Variants in BST1 observed in about 807,000 individuals in gnomAD.
BST1 encodes the protein bone marrow stromal cell antigen 1.
BST1 carries 49 observed loss-of-function variants against 40.6 expected under a neutral mutation model. The observed-to-expected ratio is 1.21, with a 90% CI of 0.96 to 1.53. The LOEUF is 1.53. BST1 is among the 40% of genes most tolerant of loss of function. The pLI, the probability that BST1 is intolerant of heterozygous loss-of-function variation, is 0.00. For missense variants in BST1, 423 were observed against 395.9 expected (o/e 1.07, Z -0.58); for synonymous variants, 157 against 159.3 (o/e 0.99, Z 0.11).
chr4:15,755,221 C>A, the BST1 span, among the ~76,000 whole-genome samples: 1 of 152,164 alleles, frequency 6.6e-6, no homozygotes, highest in African/African-American at 2.4e-5. Context: ...TCACTGCAAC[C>A]TCCGCCTCCC....
At chr4:15,721,948 T>A (rs974641362) in intron 7 of BST1, among the ~76,000 whole-genome samples, 2 of 152,116 alleles carry the variant, frequency 1.3e-5, no homozygotes, top group African/African-American at 2.4e-5. Context: ...GCCACAGAGA[T>A]CCTGTCTAGG....
chr4:15,736,346 G>A (rs1236128321), downstream of BST1, among the ~76,000 whole-genome samples: 2 of 152,094 alleles, frequency 1.3e-5, no homozygotes, highest in South Asian at 2.1e-4. Context: ...GAAGCCGGGC[G>A]CAGTGGCTCC....
At chr4:15,723,250 T>C (rs370590225) in intron 8 of BST1, among the ~76,000 whole-genome samples, 1 of 152,160 alleles carries the variant, frequency 6.6e-6, no homozygotes, top group African/African-American at 2.4e-5. Context: ...CACTACCTTT[T>C]TTTTTGGGAG....
chr4:15,728,163 C>G (rs1378465952), intron 8 of BST1, among the ~76,000 whole-genome samples: 3 of 152,066 alleles, frequency 2.0e-5, no homozygotes, highest in African/African-American at 7.2e-5. Flanking sequence ...CTGGAAGGCT[C>G]TATCCTAAAT....
At chr4:15,760,116 C>G in the BST1 span, among the ~76,000 whole-genome samples, 3 of 151,976 alleles carry the variant, frequency 2.0e-5, no homozygotes, top group Admixed American at 1.3e-4. Flanking sequence ...TAGGGAACTT[C>G]TAATCTACTT....
chr4:15,704,278 A>AG (rs1443003264), intron 1 of BST1, among the ~76,000 whole-genome samples: 3 of 139,684 alleles, frequency 2.1e-5, no homozygotes, highest in Non-Finnish European at 3.1e-5. Flanking sequence ...TCTAGAGGTG[A>AG]GGGGTGTGTG....
At chr4:15,734,158 C>G (rs1721480937), downstream of BST1, among the ~76,000 whole-genome samples, 1 of 152,092 alleles carries the variant, frequency 6.6e-6, no homozygotes, top group African/African-American at 2.4e-5. Context: ...TAGCGGAGAG[C>G]AGACCAGTGA....
chr4:15,736,956 G>A (rs972633020), downstream of BST1, among the ~76,000 whole-genome samples: 6 of 152,150 alleles, frequency 3.9e-5, no homozygotes, highest in African/African-American at 1.4e-4. Flanking sequence ...AAGGAAATGG[G>A]GAGGCAGCCT....
At chr4:15,753,289 G>A in the BST1 span, among the ~76,000 whole-genome samples, 1 of 152,206 alleles carries the variant, frequency 6.6e-6, no homozygotes, top group Admixed American at 6.5e-5. Context: ...ATATGTCAGA[G>A]CTGATAGCAT....
intron 8 of BST1, among the ~76,000 whole-genome samples, chr4:15,725,193 A>C (rs1721035066): frequency 6.6e-6 from 1 of 152,176 alleles, no homozygotes; most frequent in East Asian, 1.9e-4. Context: ...GGCTCAGAGA[A>C]GTTTATGAAG....
At chr4:15,770,042 G>A in the BST1 span, among the ~76,000 whole-genome samples, 8 of 152,136 alleles carry the variant, frequency 5.3e-5, no homozygotes, top group Non-Finnish European at 1.0e-4. Context: ...GTTTCACCAT[G>A]TTGGCCAGGC....
chr4:15,770,901 CAGATG>C, the BST1 span, among the ~76,000 whole-genome samples: 1 of 152,220 alleles, frequency 6.6e-6, no homozygotes, highest in Non-Finnish European at 1.5e-5. Context: ...GCCTGTTCGA[CAGATG>C]AGAAACTTGT....
chr4:15,768,625 C>T, the BST1 span, among the ~76,000 whole-genome samples: 3 of 151,850 alleles, frequency 2.0e-5, no homozygotes, highest in African/African-American at 4.8e-5. Context: ...TCCCGAGTAG[C>T]TGGGACTACA....
the BST1 span, among the ~76,000 whole-genome samples, chr4:15,767,150 C>T: frequency 4.7e-5 from 7 of 150,176 alleles, no homozygotes; most frequent in African/African-American, 1.3e-4. Flanking sequence ...GAAAAGTTGA[C>T]GCTGGCAAGG....
At chr4:15,721,292 T>C (rs902565601) in intron 7 of BST1, among the ~76,000 whole-genome samples, 2 of 152,224 alleles carry the variant, frequency 1.3e-5, no homozygotes, top group Non-Finnish European at 2.9e-5. Context: ...CTGAGGTTCT[T>C]GCCCATTTTG....
At chr4:15,764,656 T>C in the BST1 span, among the ~76,000 whole-genome samples, 1 of 151,980 alleles carries the variant, frequency 6.6e-6, no homozygotes, top group Non-Finnish European at 1.5e-5. Context: ...CTATTCACCC[T>C]ATTTCTGGTG....
At chr4:15,736,055 C>G (rs1180870767), downstream of BST1, 2 of 1,286,732 alleles carry the variant, frequency 1.6e-6, no homozygotes, top group Non-Finnish European at 2.0e-6. Flanking sequence ...ATTTATAGAC[C>G]CAAGAGGCTA....
chr4:15,760,250 C>T, the BST1 span, among the ~76,000 whole-genome samples: 1 of 141,360 alleles, frequency 7.1e-6, no homozygotes, highest in Non-Finnish European at 1.5e-5. Flanking sequence ...TTGTGGTATG[C>T]GTTAGCATTT....
downstream of BST1, among the ~76,000 whole-genome samples, chr4:15,740,267 A>G (rs1441800175): frequency 6.6e-6 from 1 of 152,196 alleles, no homozygotes; most frequent in Non-Finnish European, 1.5e-5. Flanking sequence ...CATGTTGACC[A>G]GGCTGGTCTC....
Sources: allele counts gnomAD v4.1 joint callset (sites outside exome capture counted in the v4.1 genomes callset), GRCh38; gene constraint gnomAD v4.1.1; transcripts MANE v1.5; gene names NCBI Gene and HGNC (gene_info 2026-07-23, HGNC 2026-07-21).